SLC30A7: variants seen among roughly 807,000 people sequenced by gnomAD.
SLC30A7 encodes zinc transporter 7.
In SLC30A7, 35 loss-of-function variants were observed where a neutral mutation model predicts 46.0. That is an observed-to-expected ratio of 0.76 (90% confidence interval 0.58 to 1.01). SLC30A7 has a LOEUF of 1.01. Ranked by LOEUF, SLC30A7 falls within the 50% of genes least tolerant of loss-of-function variation. The pLI, the probability that SLC30A7 is intolerant of heterozygous loss-of-function variation, is 0.00. For missense variants in SLC30A7, 464 were observed against 451.1 expected (o/e 1.03, Z -0.26); for synonymous variants, 147 against 157.8 (o/e 0.93, Z 0.51).
At chr1:100,902,575 T>G (rs1467793555) in intron 2 of SLC30A7, among the ~76,000 whole-genome samples, 1 of 152,174 alleles carries the variant, frequency 6.6e-6, no homozygotes, top group African/African-American at 2.4e-5. Flanking sequence ...AGATTAGAAG[T>G]CAGAGATCAA....
the SLC30A7 span, among the ~76,000 whole-genome samples, chr1:100,993,710 T>C: frequency 4.7e-5 from 7 of 150,340 alleles, no homozygotes; most frequent in Non-Finnish European, 7.4e-5. Flanking sequence ...GAATCAAGTT[T>C]TCTAGTAGCC....
chr1:100,971,414 C>T (rs183248123), intron 10 of SLC30A7, among the ~76,000 whole-genome samples: 14 of 152,146 alleles, frequency 9.2e-5, no homozygotes, highest in Middle Eastern at 6.8e-3. Context: ...TATCTTTCTT[C>T]ATCATTTGTA....
rs2101108308 is a variant in SLC30A7 at position 100,977,326 on chromosome 1, GTTACA to G, written c.*2477_*2481del. The stretch of plus-strand genomic sequence containing the variant: ...GTTAGACTGATGTGAATTTGCATTT[GTTACA>G]TTACATTGCCAGCGCATATCATTTA... On this transcript the variant is annotated 3_prime_UTR_variant, in exon 11 of 11. Transcript: ENST00000357650. 6.6e-6 allele frequency: 1 copy of G among 152,232 alleles called. No individual in the cohort carries two copies. The highest frequency in any genetic ancestry group is 1.5e-5 in the Non-Finnish European group (1 of 68,006). The allele number at this position is 152,232 out of a possible 1,614,324, so 9.4% of individuals were successfully genotyped here.
chr1:100,925,014 G>T (rs1653200169), intron 8 of SLC30A7, among the ~76,000 whole-genome samples: 1 of 152,162 alleles, frequency 6.6e-6, no homozygotes, highest in Non-Finnish European at 1.5e-5. Flanking sequence ...TAAATTAGAC[G>T]GCTCAAATGC....
Position 100,912,149 on chromosome 1 carries a change from T to C in SLC30A7, c.422T>C (p.Leu141Pro). 6.2e-7 allele frequency: 1 copy of C among 1,613,952 alleles called. No individual in the cohort carries two copies. The highest frequency in any genetic ancestry group is 8.5e-7 in the Non-Finnish European group (1 of 1,179,826). ...CCTCCAGATGTCCACCATGAGAGAC[T>C]GCTTCTTGTTTCCATTCTTGGGTTT... Reference protein sequence around the residue: ...LAPPDVHHERLLLVSILGFVV... With the variant: ...LAPPDVHHERPLLVSILGFVV... Residue 141 changes from leucine (L) to proline (P), a missense_variant, in exon 5 of 11, where the codon CTG (leucine) becomes CCG (proline). Leu to Pro is a moderately conservative substitution (Grantham distance 98, BLOSUM62 -3). Coordinates refer to ENST00000357650, the MANE Select transcript of SLC30A7 (RefSeq NM_133496.5).
At chr1:100,957,221 C>T (rs1054188515) in intron 8 of SLC30A7, among the ~76,000 whole-genome samples, 1 of 152,156 alleles carries the variant, frequency 6.6e-6, no homozygotes, top group Non-Finnish European at 1.5e-5. Context: ...TAAGGTCCCA[C>T]CTGGTTCCAG....
downstream of SLC30A7, among the ~76,000 whole-genome samples, chr1:100,983,806 C>G (rs1379670373): frequency 1.3e-5 from 2 of 152,180 alleles, no homozygotes; most frequent in South Asian, 2.1e-4. Flanking sequence ...GCAATTAAGG[C>G]TTGGCTTGGC....
chr1:100,921,565 A>G (rs1652933768), intron 7 of SLC30A7, 141 bp from the exon 8 acceptor site: 1 of 562,814 alleles, frequency 1.8e-6, no homozygotes, highest in African/African-American at 1.9e-5. Context: ...TGGTTACTAA[A>G]TGGTGAATAT....
the SLC30A7 span, among the ~76,000 whole-genome samples, chr1:100,991,899 G>T: frequency 1.3e-5 from 2 of 151,850 alleles, no homozygotes; most frequent in South Asian, 4.2e-4. Context: ...TTGAGCCAAG[G>T]AATTCGAGAA....
intron 5 of SLC30A7, 42 bp from the exon 6 acceptor site, chr1:100,913,621 T>C (rs1192083610): frequency 4.1e-6 from 6 of 1,458,582 alleles, no homozygotes; most frequent in Admixed American, 3.4e-5. Flanking sequence ...ATTTATATAA[T>C]ATATTTTTAC....
At chr1:100,966,615 T>G (rs1355761373) in intron 10 of SLC30A7, among the ~76,000 whole-genome samples, 1 of 152,048 alleles carries the variant, frequency 6.6e-6, no homozygotes, top group East Asian at 1.9e-4. Context: ...ATTTTTTTTT[T>G]TCCGAACACA....
In SLC30A7 at chr1:100,896,725, C is replaced by T. The variant is rs547993852; in HGVS notation, c.182+54C>T. On this transcript the variant is annotated intron_variant, in intron 2 of 10. Transcript: ENST00000357650. ...GAAGCTGGGTGTGAGGGAGACGAAG[C>T]ACTGTTTGCTTAATGCCACGTAGCT... The T allele has an allele frequency of 1.2e-5, 18 of 1,484,172 alleles. No individual in the cohort carries two copies. The South Asian group carries it at 2.0e-4, about 16-fold the overall frequency. The allele number at this position is 1,484,172 out of a possible 1,614,324, so 91.9% of individuals were successfully genotyped here.
intron 8 of SLC30A7, among the ~76,000 whole-genome samples, chr1:100,948,999 G>GT (rs1487864416): frequency 2.6e-5 from 4 of 152,140 alleles, no homozygotes; most frequent in Admixed American, 1.3e-4. Context: ...GCTTGGAGAA[G>GT]TTTGTTATTA....
rs1273788069 is a variant in SLC30A7 at position 100,965,918 on chromosome 1, G to C, written c.1083G>C (p.Gln361His). Reference sequence around the variant, plus strand: ...GCCAAACACATAATATTTTTACTCAGGTATGTCTTTTTTACTAACTTCTTT... The same window carrying C: ...GCCAAACACATAATATTTTTACTCACGTATGTCTTTTTTACTAACTTCTTT... ...ILSQTHNIFT[Q>H]AGVRQLYVQI... Residue 361 changes from glutamine (Q) to histidine (H), a missense_variant and splice_region_variant, in exon 10 of 11, where the codon CAG (glutamine) becomes CAC (histidine). By Grantham distance (24) the Gln-to-His change is conservative. Transcript: ENST00000357650. The C allele has an allele frequency of 7.5e-6, 12 of 1,601,490 alleles. No individual in the cohort carries two copies. The East Asian group carries it at 2.7e-4, about 36-fold the overall frequency.
rs1177678720 is a variant in SLC30A7 at position 100,913,801 on chromosome 1, C to T, written c.650C>T (p.Ser217Phe). 2 of 1,613,806 alleles carry T rather than the reference C, an allele frequency of 1.2e-6. No individual in the cohort carries two copies. Among genetic ancestry groups the T allele is most frequent in the South Asian group, 1.1e-5 (1 of 91,054 alleles). ...DHAHGHGHFH[S>F]HDGPSLKETT... ...GCTCATGGACATGGACACTTTCATT[C>T]TCATGGTGAGTACAGCCTAGAGACA... The change falls in exon 6 of 11, where the codon TCT becomes TTT. Residue 217 changes from serine (S) to phenylalanine (F), a missense_variant. Transcript: ENST00000357650.
intron 8 of SLC30A7, among the ~76,000 whole-genome samples, chr1:100,955,830 T>C (rs978926886): frequency 5.3e-5 from 8 of 152,142 alleles, no homozygotes; most frequent in Admixed American, 6.5e-5. Flanking sequence ...AAATTGGCCT[T>C]GTTCTAAATT....
intron 1 of SLC30A7, 101 bp downstream of exon 1, chr1:100,896,443 C>T: frequency 1.4e-6 from 2 of 1,440,470 alleles, no homozygotes; most frequent in South Asian, 1.1e-5. Flanking sequence ...GTCAAAAACT[C>T]CCCGTCAACC....
At chr1:100,990,428 G>C in the SLC30A7 span, 2 of 1,613,966 alleles carry the variant, frequency 1.2e-6, no homozygotes, top group Non-Finnish European at 1.7e-6. Context: ...TTGATGCTTT[G>C]AGATTCTGAG....
At chr1:100,969,122 T>C (rs1196009444) in intron 10 of SLC30A7, among the ~76,000 whole-genome samples, 1 of 152,230 alleles carries the variant, frequency 6.6e-6, no homozygotes, top group Non-Finnish European at 1.5e-5. Context: ...AACAATATGC[T>C]GGTACCACTT....
Sources: allele counts gnomAD v4.1 joint callset (sites outside exome capture counted in the v4.1 genomes callset), GRCh38; gene constraint gnomAD v4.1.1; transcripts MANE v1.5; gene names NCBI Gene and HGNC (gene_info 2026-07-23, HGNC 2026-07-21).